RFLNA: variants seen among roughly 807,000 people sequenced by gnomAD.
The protein encoded by RFLNA is refilin A.
A neutral mutation model predicts 7.8 loss-of-function variants in RFLNA; 5 were observed. That is an observed-to-expected ratio of 0.64 (90% CI 0.34 to 1.35). The LOEUF is 1.35. Among genes scored for constraint, RFLNA ranks in the 40% most tolerant of loss-of-function variants. The pLI, the probability that RFLNA is intolerant of heterozygous loss-of-function variation, is 0.04. For synonymous variants in RFLNA, 141 were observed against 131.3 expected, an observed-to-expected ratio of 1.07 and a Z score of -0.50; for missense variants, 278 against 305.5, an observed-to-expected ratio of 0.91 and a Z score of 0.67.
At chr12:124,303,335 C>T (rs541553012) in intron 1 of RFLNA, among the ~76,000 whole-genome samples, 13 of 152,172 alleles carry the variant, frequency 8.5e-5, no homozygotes, top group Non-Finnish European at 1.9e-4. Flanking sequence ...CAGCGGCTCC[C>T]GGGGAAGGCT....
chr12:124,314,506 T>C lies in RFLNA; in HGVS notation c.632T>C (p.Leu211Pro). ...QLCQDPAPSL[L>P]GPATL Reference sequence around the variant, plus strand: ...TGCCAGGACCCTGCCCCCAGCCTCCTGGGCCCTGCCACGCTCTGACGGGGC... The same window carrying C: ...TGCCAGGACCCTGCCCCCAGCCTCCCGGGCCCTGCCACGCTCTGACGGGGC... Residue 211 changes from leucine to proline, a missense_variant, in exon 3 of 3, where the codon CTG becomes CCG. Physicochemically the swap from Leu to Pro is moderately conservative, Grantham distance 98. Transcript: ENST00000546355. 2 of 1,588,384 alleles carry C rather than the reference T, an allele frequency of 1.3e-6. No homozygotes were observed. Among genetic ancestry groups the C allele is most frequent in the Non-Finnish European group, 1.7e-6 (2 of 1,174,504 alleles).
At chr12:124,294,210 C>T (rs1258606224), upstream of RFLNA, among the ~76,000 whole-genome samples, 1 of 152,216 alleles carries the variant, frequency 6.6e-6, no homozygotes, top group Non-Finnish European at 1.5e-5. Context: ...CTGCTGTAAG[C>T]TGAATGGAAG....
At chr12:124,305,362 G>C (rs150831237) in intron 1 of RFLNA, among the ~76,000 whole-genome samples, 383 of 152,360 alleles carry the variant, frequency 2.5e-3, no homozygotes, top group African/African-American at 8.8e-3. Flanking sequence ...GCCCACTTCA[G>C]AGACGTGGAG....
chr12:124,293,331 T>C (rs1187668635), upstream of RFLNA, among the ~76,000 whole-genome samples: 1 of 152,040 alleles, frequency 6.6e-6, no homozygotes, highest in Non-Finnish European at 1.5e-5. Context: ...GGCCAAGGGG[T>C]CATTAGTCCC....
chr12:124,314,102 G>A, intron 2 of RFLNA, 90 bp from the exon 3 acceptor site: 1 of 1,481,148 alleles, frequency 6.8e-7, no homozygotes, highest in Non-Finnish European at 9.1e-7. Context: ...CAGAGCATCT[G>A]CCCAGGGCCC....
At chr12:124,308,585 G>C (rs575981004) in intron 1 of RFLNA, among the ~76,000 whole-genome samples, 1 of 152,342 alleles carries the variant, frequency 6.6e-6, no homozygotes, top group Non-Finnish European at 1.5e-5. Flanking sequence ...CCACCTCCCA[G>C]GGAGAGGGTC....
Position 124,289,842 on chromosome 12 carries a change from G to A in RFLNA, c.-37+472G>A, listed in dbSNP as rs1462821169. On this transcript the variant is annotated intron_variant, in intron 1 of 2. Coordinates refer to the RFLNA transcript ENST00000324038. The surrounding 1 kb of genome is among the most constrained non-coding windows in gnomAD (Gnocchi z 5.0). ...GGAACATGCGACTCCCCGGGGCAGG[G>A]AGGCATCCCTGGGCCAGGCACTAGG... Among the ~76,000 whole-genome samples the A allele has an allele frequency of 6.6e-6, 1 of 152,186 alleles. No homozygotes were observed. The highest frequency in any genetic ancestry group is 6.5e-5 in the Admixed American group (1 of 15,288).
At chr12:124,300,039 G>GTGGGGTCTCCCCTCCCC (rs1278013038) in intron 1 of RFLNA, among the ~76,000 whole-genome samples, 8 of 152,246 alleles carry the variant, frequency 5.3e-5, no homozygotes. Flanking sequence ...CAGGGAGGCT[G>GTGGGGTCTCCCCTCCCC]AAAGTGGCAT....
chr12:124,299,087 G>A (rs1194710536), intron 1 of RFLNA, among the ~76,000 whole-genome samples: 1 of 152,256 alleles, frequency 6.6e-6, no homozygotes, highest in African/African-American at 2.4e-5. Context: ...AACTACTTGT[G>A]ACTGTTCTAT....
intron 1 of RFLNA, among the ~76,000 whole-genome samples, chr12:124,310,172 C>CAAAAAGAAAAAAAAAAAAA (rs2034213668): frequency 5.9e-5 from 1 of 17,090 alleles, no homozygotes; most frequent in Non-Finnish European, 1.2e-4. Flanking sequence ...GACTCTGTCT[C>CAAAAAGAAAAAAAAAAAAA]AAAAAAAAAA....
At chr12:124,305,864 C>T (rs774237683) in intron 1 of RFLNA, among the ~76,000 whole-genome samples, 22 of 152,292 alleles carry the variant, frequency 1.4e-4, no homozygotes, top group Admixed American at 5.2e-4. Context: ...AAGGGAGCAG[C>T]TGCCTCTCTT....
At chr12:124,298,169 G>T (rs1291645270) in intron 1 of RFLNA, among the ~76,000 whole-genome samples, 2 of 152,214 alleles carry the variant, frequency 1.3e-5, no homozygotes, top group Non-Finnish European at 2.9e-5. Flanking sequence ...TGCCTCAGCT[G>T]CTGGGATGGA....
At position 124,299,850 on chromosome 12, in the gene RFLNA, G is replaced by A. The variant is rs77409595; in HGVS notation, c.207+4214G>A. The stretch of plus-strand genomic sequence containing the variant: ...CCTTTGAGCTCCCAGGGCCTGGACT[G>A]TCACTGCAGATTGAGCAAACACCCA... On this transcript the variant is annotated intron_variant, in intron 1 of 2. Transcript: ENST00000546355. Among the ~76,000 whole-genome samples, 1,390 of 152,336 alleles carry A rather than the reference G, an allele frequency of 9.1e-3. 14 individuals are homozygous for A. Among genetic ancestry groups the A allele is most frequent in the African/African-American group, 0.03 (1,234 of 41,558 alleles).
chr12:124,311,870 T>C lies in RFLNA; in HGVS notation c.260T>C (p.Leu87Pro), dbSNP rs1235053478. ...PPASEMRPRM[L>P]PVFFGESIKV... ...GCGTCGGAGATGAGGCCCCGGATGC[T>C]GCCAGTGTTCTTTGGGGAGAGCATC... The change falls in exon 2 of 3, where the codon CTG becomes CCG. Residue 87 changes from leucine to proline, a missense_variant. Coordinates refer to ENST00000546355, the MANE Select transcript of RFLNA (RefSeq NM_001365156.1). 6.2e-7 allele frequency: 1 copy of C among 1,600,344 alleles called. No homozygotes were observed. Among genetic ancestry groups the C allele is most frequent in the Non-Finnish European group, 8.5e-7 (1 of 1,173,668 alleles).
Position 124,314,913 on chromosome 12 carries a change from A to C in RFLNA, c.*388A>C. The C allele has an allele frequency of 2.6e-6, 1 of 377,790 alleles. No homozygotes were observed. Among genetic ancestry groups the C allele is most frequent in the Non-Finnish European group, 5.2e-6 (1 of 192,614 alleles). 23.4% of individuals were successfully genotyped at this position (377,790 alleles called of 1,614,324 possible). A position where few individuals can be genotyped will look rare whatever the true frequency, so the allele number is the denominator to read the frequency against. On this transcript the variant is annotated 3_prime_UTR_variant, in exon 3 of 3. Transcript: ENST00000546355. Reference sequence around the variant, plus strand: ...GGCATCCCAGCCTCAGCCGGTGGGGACGGCTGCCACTCCCCCAGAGCCCTG... The same window carrying C: ...GGCATCCCAGCCTCAGCCGGTGGGGCCGGCTGCCACTCCCCCAGAGCCCTG...
chr12:124,294,062 G>A (rs1412374309), upstream of RFLNA, among the ~76,000 whole-genome samples: 1 of 152,148 alleles, frequency 6.6e-6, no homozygotes, highest in African/African-American at 2.4e-5. Context: ...GCTGTCTTAC[G>A]CCTGCCCGTT....
intron 1 of RFLNA, among the ~76,000 whole-genome samples, chr12:124,303,755 C>T (rs75099583): frequency 0.012 from 1,879 of 152,228 alleles, 39 homozygotes; most frequent in African/African-American, 0.042. Flanking sequence ...ATGAGCAAAC[C>T]GAGGGCAGAC....
At chr12:124,291,070 T>A (rs1183801372), upstream of RFLNA, among the ~76,000 whole-genome samples, 3 of 152,118 alleles carry the variant, frequency 2.0e-5, no homozygotes, top group Non-Finnish European at 4.4e-5. Context: ...CATGACGACC[T>A]CAGTCCTCCT....
rs1315679424 is a variant in RFLNA, at chr12:124,289,916, C to A, written c.-37+546C>A. ...GTCCCAGGTCTCACGGTTGTACAGT[C>A]ACCGGGACCTTCACTCTGAAACATT... On this transcript the variant is annotated intron_variant, in intron 1 of 2. Coordinates refer to the RFLNA transcript ENST00000324038. This position sits in a 1 kb window ranked among gnomAD's most constrained non-coding sequence, Gnocchi z 5.0. Among the ~76,000 whole-genome samples the A allele has an allele frequency of 1.3e-5, 2 of 152,184 alleles. No individual in the cohort carries two copies. The highest frequency in any genetic ancestry group is 2.9e-5 in the Non-Finnish European group (2 of 68,020).
Sources: allele counts gnomAD v4.1 joint callset (sites outside exome capture counted in the v4.1 genomes callset), GRCh38; gene constraint gnomAD v4.1.1; non-coding constraint Gnocchi (gnomAD v3.1); transcripts MANE v1.5; gene names NCBI Gene and HGNC (gene_info 2026-07-23, HGNC 2026-07-21).